Variants in MTX2 observed in about 807,000 individuals in gnomAD.
The protein encoded by MTX2 is metaxin-2.
MTX2 carries 35 observed loss-of-function variants against 42.3 expected under a neutral mutation model. The observed-to-expected ratio is 0.83, with a 90% CI of 0.63 to 1.10. The LOEUF (loss-of-function observed/expected upper bound fraction) is 1.10. MTX2 is among the 50% of genes least tolerant of loss of function. The pLI is 0.00. For synonymous variants in MTX2, 119 were observed against 100.9 expected (o/e 1.18, Z -1.08); for missense variants, 307 against 304.1 (o/e 1.01, Z -0.07).
chr2:176,269,565 T>A lies in MTX2; in HGVS notation c.-65T>A. 6.6e-7 allele frequency: 1 copy of A among 1,513,002 alleles called. No individual in the cohort carries two copies. Among genetic ancestry groups the A allele is most frequent in the East Asian group, 2.5e-5 (1 of 39,936 alleles). 93.7% of individuals were successfully genotyped at this position (1,513,002 alleles called of 1,614,324 possible). On this transcript the variant is annotated 5_prime_UTR_variant, in exon 1 of 10. Coordinates refer to ENST00000249442, the MANE Select transcript of MTX2 (RefSeq NM_006554.5). ...TCGTTAACTGCCGAGAGCCTCCGGG[T>A]TTGCGGTGGAGGACGCTGAGGCCCG...
chr2:176,271,137 C>T (rs1488913629), intron 1 of MTX2, among the ~76,000 whole-genome samples: 1 of 151,964 alleles, frequency 6.6e-6, no homozygotes, highest in East Asian at 1.9e-4. Flanking sequence ...GTCTGTCTGC[C>T]GTCTTAGCTA....
intron 1 of MTX2, among the ~76,000 whole-genome samples, chr2:176,282,611 C>T (rs1693106811): frequency 6.6e-6 from 1 of 151,882 alleles, no homozygotes. Context: ...GCTTTATACA[C>T]ACTTTTGTTC....
At chr2:176,272,061 G>A (rs1692826485) in intron 1 of MTX2, among the ~76,000 whole-genome samples, 1 of 152,276 alleles carries the variant, frequency 6.6e-6, no homozygotes, top group South Asian at 2.1e-4. Context: ...ATACTATTCA[G>A]CCTTAAAAAA....
intron 1 of MTX2, among the ~76,000 whole-genome samples, chr2:176,275,247 T>C (rs1692919861): frequency 6.6e-6 from 1 of 152,134 alleles, no homozygotes; most frequent in Admixed American, 6.5e-5. Flanking sequence ...TAGAATTTTT[T>C]TTTTTTTTGA....
intron 9 of MTX2, among the ~76,000 whole-genome samples, chr2:176,333,046 ATAG>A (rs1053593476): frequency 2.2e-4 from 33 of 151,694 alleles, no homozygotes; most frequent in African/African-American, 7.7e-4. Flanking sequence ...AAATGAAAAA[ATAG>A]TAGATAACCA....
At chr2:176,279,360 A>C (rs1693027581) in intron 1 of MTX2, among the ~76,000 whole-genome samples, 1 of 152,170 alleles carries the variant, frequency 6.6e-6, no homozygotes, top group Non-Finnish European at 1.5e-5. Context: ...TAACATGAAG[A>C]GGCCATTATT....
rs112616911 is a variant in MTX2 at position 176,323,541 on chromosome 2, A to G, written c.208+77A>G. On this transcript the variant is annotated intron_variant, in intron 4 of 9. Coordinates refer to ENST00000249442, the MANE Select transcript of MTX2 (RefSeq NM_006554.5). Reference sequence around the variant, plus strand: ...TAGTGATAGTCCAGTTTGTATCTACATGTTAAAATGCCTGATTTTTTTTGT... The same window carrying G: ...TAGTGATAGTCCAGTTTGTATCTACGTGTTAAAATGCCTGATTTTTTTTGT... 1.6e-3 allele frequency: 2,118 copies of G among 1,311,424 alleles called. 2 individuals carry two copies. The highest frequency in any genetic ancestry group is 2.4e-3 in the Admixed American group (122 of 49,824). 81.2% of individuals were successfully genotyped at this position (1,311,424 alleles called of 1,614,324 possible). A position where few individuals can be genotyped will look rare whatever the true frequency, so the allele number is the denominator to read the frequency against.
At chr2:176,317,029 T>G (rs116002106) in intron 3 of MTX2, among the ~76,000 whole-genome samples, 3,051 of 134,288 alleles carry the variant, frequency 0.023, 92 homozygotes, top group African/African-American at 0.076. Context: ...TTTGACTAAG[T>G]GTCTTTTTTA....
chr2:176,294,471 A>T (rs1683796029), intron 1 of MTX2, among the ~76,000 whole-genome samples: 1 of 151,924 alleles, frequency 6.6e-6, no homozygotes, highest in South Asian at 2.1e-4. Context: ...TTTAGTGGAG[A>T]TGGCCATCTT....
chr2:176,311,702 A>G (rs753858225), intron 3 of MTX2, among the ~76,000 whole-genome samples: 3 of 152,220 alleles, frequency 2.0e-5, no homozygotes, highest in African/African-American at 7.2e-5. Flanking sequence ...CGTGGGAGCC[A>G]CTGAGCCAGG....
intron 1 of MTX2, among the ~76,000 whole-genome samples, chr2:176,282,891 A>G (rs1254478332): frequency 2.6e-5 from 4 of 152,016 alleles, no homozygotes; most frequent in African/African-American, 7.2e-5. Flanking sequence ...TTTGATAGAG[A>G]CAGGGTTTCA....
rs1385842344 is a variant in MTX2 at position 176,335,616 on chromosome 2, G to A, written c.621-1877G>A. On this transcript the variant is annotated intron_variant, in intron 9 of 9. Transcript: ENST00000249442. ...GTGGCATTCAGGGCATATTTTGGAG[G>A]TAGTGTCTCACCAGACTTGCTAATG... Among the ~76,000 whole-genome samples the A allele has an allele frequency of 3.9e-5, 6 of 151,996 alleles. No homozygotes were observed. In the East Asian group the frequency reaches 1.2e-3, roughly 29 times the overall value.
At chr2:176,308,838 A>G (rs748907735) in intron 3 of MTX2, among the ~76,000 whole-genome samples, 3 of 151,924 alleles carry the variant, frequency 2.0e-5, no homozygotes, top group Non-Finnish European at 2.9e-5. Flanking sequence ...TTTTTAAAAA[A>G]CCAGTTCCTA....
chr2:176,337,586 C>T lies in MTX2; in HGVS notation c.714C>T (p.Asn238=). ...ATGAACTTTCTGAGAAGGTGAAAAA[C>T]TATAGCAACCTCCTTGCTTTCTGTA... is the stretch of plus-strand genomic sequence containing the variant. ...TNDELSEKVK[N]YSNLLAFCRR... Residue 238 remains asparagine, a synonymous_variant, in exon 10 of 10, where the codon AAC becomes AAT. Transcript: ENST00000249442. 2 of 1,613,518 alleles carry T rather than the reference C, an allele frequency of 1.2e-6. No homozygotes were observed. Among genetic ancestry groups the T allele is most frequent in the Non-Finnish European group, 1.7e-6 (2 of 1,179,624 alleles).
intron 4 of MTX2, among the ~76,000 whole-genome samples, chr2:176,325,099 C>T (rs186858523): frequency 6.6e-6 from 1 of 151,784 alleles, no homozygotes; most frequent in Non-Finnish European, 1.5e-5. Flanking sequence ...TTCTCTGAGC[C>T]TCAGTGACTT....
At chr2:176,298,199 G>A (rs1449988830) in intron 3 of MTX2, among the ~76,000 whole-genome samples, 6 of 151,664 alleles carry the variant, frequency 4.0e-5, no homozygotes, top group African/African-American at 9.7e-5. Flanking sequence ...TGGATATGAT[G>A]GTGTTGATTA....
At chr2:176,289,805 T>TA (rs1353444167) in intron 1 of MTX2, among the ~76,000 whole-genome samples, 1 of 152,048 alleles carries the variant, frequency 6.6e-6, no homozygotes, top group Non-Finnish European at 1.5e-5. Flanking sequence ...ATAATGAAGA[T>TA]ATTAGCTTAA....
intron 1 of MTX2, among the ~76,000 whole-genome samples, chr2:176,292,690 A>AT (rs898186819): frequency 6.6e-6 from 1 of 152,080 alleles, no homozygotes; most frequent in Non-Finnish European, 1.5e-5. Context: ...CCAGTTTAGG[A>AT]TTTTCACTTT....
intron 3 of MTX2, among the ~76,000 whole-genome samples, chr2:176,306,772 A>T (rs1684159219): frequency 6.6e-6 from 1 of 151,524 alleles, no homozygotes; most frequent in Non-Finnish European, 1.5e-5. Flanking sequence ...TTTTCTTGTA[A>T]ATTTTTTTGA....
Sources: gnomAD v4.1 joint callset for allele counts (sites outside exome capture counted in the v4.1 genomes callset) on GRCh38, gnomAD v4.1.1 for gene constraint, MANE v1.5 for transcripts, NCBI Gene and HGNC (gene_info 2026-07-23, HGNC 2026-07-21) for gene names.